Variants in KLF15 observed in about 807,000 individuals in gnomAD.
KLF15 encodes Krueppel-like factor 15.
In KLF15, 4 loss-of-function variants were observed where a neutral mutation model predicts 24.6. The observed-to-expected ratio is 0.16, with a 90% CI of 0.08 to 0.37. KLF15 has a LOEUF of 0.37. Among genes scored for constraint, KLF15 ranks in the 10% least tolerant of loss-of-function variants. The probability of loss-of-function intolerance (pLI) is 1.00; values close to 1 mark genes in which losing one functional copy is unlikely to be tolerated. For synonymous variants in KLF15, 246 were observed against 236.3 expected (o/e 1.04, Z -0.37); for missense variants, 496 against 560.6 (o/e 0.88, Z 1.16).
At chr3:126,323,249 G>C in the KLF15 span, among the ~76,000 whole-genome samples, 1 of 148,022 alleles carries the variant, frequency 6.8e-6, no homozygotes, top group Non-Finnish European at 1.5e-5. Context: ...CTCACCCCAT[G>C]GTTCTCTCTC....
chr3:126,322,606 C>T, the KLF15 span, among the ~76,000 whole-genome samples: 1 of 152,246 alleles, frequency 6.6e-6, no homozygotes, highest in Admixed American at 6.5e-5. Flanking sequence ...AAAGTAACAT[C>T]TTCCCAGGTT....
chr3:126,315,038 G>C, the KLF15 span, among the ~76,000 whole-genome samples: 4 of 152,076 alleles, frequency 2.6e-5, no homozygotes, highest in Admixed American at 2.0e-4. Context: ...GATAGCGTCT[G>C]TTCCAAGTCC....
rs145799178 is a variant in KLF15, at chr3:126,352,744, A to G, written c.179T>C (p.Leu60Pro). The change falls in exon 2 of 3, where the codon CTC becomes CCC. Residue 60 changes from leucine (L) to proline (P), a missense_variant. Physicochemically the swap from Leu to Pro is moderately conservative, Grantham distance 98. Coordinates refer to ENST00000296233, the MANE Select transcript of KLF15 (RefSeq NM_014079.4). Reference protein sequence around the residue: ...CSCSSPDSQALCSCYGGGLGT... With the variant: ...CSCSSPDSQAPCSCYGGGLGT... ...CAGGCCTCCACCATAGCAGGAGCAGAGGGCTTGAGAGTCGGGACTGGAACA... is the reference window on the plus strand; with the variant it reads ...CAGGCCTCCACCATAGCAGGAGCAGGGGGCTTGAGAGTCGGGACTGGAACA... The G allele has an allele frequency of 6.4e-7, 1 of 1,572,462 alleles. No homozygotes were observed. Among genetic ancestry groups the G allele is most frequent in the South Asian group, 1.2e-5 (1 of 86,552 alleles).
the KLF15 span, among the ~76,000 whole-genome samples, chr3:126,296,557 C>A: frequency 6.6e-6 from 1 of 152,216 alleles, no homozygotes; most frequent in Non-Finnish European, 1.5e-5. Flanking sequence ...AATTTAGATG[C>A]CTTGTCTTTT....
the KLF15 span, among the ~76,000 whole-genome samples, chr3:126,305,118 G>T: frequency 6.6e-6 from 1 of 152,132 alleles, no homozygotes; most frequent in African/African-American, 2.4e-5. Flanking sequence ...TGATGGCTGG[G>T]GCTTGAGCAA....
the KLF15 span, among the ~76,000 whole-genome samples, chr3:126,296,443 G>A: frequency 5.3e-5 from 8 of 152,308 alleles, no homozygotes; most frequent in Non-Finnish European, 7.3e-5. Context: ...TCCTGACCTC[G>A]TGATCCACCC....
chr3:126,291,638 C>T, the KLF15 span, among the ~76,000 whole-genome samples: 1 of 152,264 alleles, frequency 6.6e-6, no homozygotes, highest in Non-Finnish European at 1.5e-5. Context: ...GTGGCTGCGT[C>T]CCGGCCTTTG....
At chr3:126,328,221 G>C in the KLF15 span, among the ~76,000 whole-genome samples, 1 of 152,038 alleles carries the variant, frequency 6.6e-6, no homozygotes, top group South Asian at 2.1e-4. Context: ...TAGAATAATA[G>C]TCTCCAATCT....
chr3:126,330,092 C>T, the KLF15 span, among the ~76,000 whole-genome samples: 5 of 152,168 alleles, frequency 3.3e-5, no homozygotes, highest in South Asian at 2.1e-4. Context: ...GCAAGGTGGG[C>T]CTTGCTATCT....
the KLF15 span, among the ~76,000 whole-genome samples, chr3:126,297,206 C>T: frequency 7.2e-4 from 109 of 151,264 alleles, 1 homozygote; most frequent in Admixed American, 5.9e-4. Flanking sequence ...AAAGAGTCAC[C>T]TGTTTTTTTT....
the KLF15 span, among the ~76,000 whole-genome samples, chr3:126,316,616 G>A: frequency 4.0e-5 from 6 of 150,894 alleles, no homozygotes; most frequent in Non-Finnish European, 8.9e-5. Flanking sequence ...GGAGTGCACA[G>A]GCCAGAGTGG....
chr3:126,323,440 ATATATGT>A, the KLF15 span, among the ~76,000 whole-genome samples: 55 of 56,790 alleles, frequency 9.7e-4, 4 homozygotes, highest in African/African-American at 3.0e-3. Flanking sequence ...TATATAACAT[ATATATGT>A]TATATATATA....
At chr3:126,348,110 G>A (rs1361632972) in intron 2 of KLF15, among the ~76,000 whole-genome samples, 2 of 152,162 alleles carry the variant, frequency 1.3e-5, no homozygotes, top group Admixed American at 6.5e-5. Flanking sequence ...ACCCAACACC[G>A]GGGTGCAGAG....
the KLF15 span, among the ~76,000 whole-genome samples, chr3:126,314,275 C>G: frequency 1.3e-5 from 2 of 152,144 alleles, no homozygotes; most frequent in African/African-American, 4.8e-5. Flanking sequence ...CCCCCCTTGA[C>G]AGGAGAGTCA....
the KLF15 span, among the ~76,000 whole-genome samples, chr3:126,309,979 T>C: frequency 3.3e-5 from 5 of 152,228 alleles, no homozygotes; most frequent in Admixed American, 6.5e-5. Context: ...CACCAAAGAC[T>C]GGGCAGTTCA....
At chr3:126,318,640 T>C in the KLF15 span, among the ~76,000 whole-genome samples, 3 of 152,348 alleles carry the variant, frequency 2.0e-5, no homozygotes, top group South Asian at 6.2e-4. Flanking sequence ...GATTTCACCT[T>C]CTGAGCTGGT....
the KLF15 span, among the ~76,000 whole-genome samples, chr3:126,320,387 T>C: frequency 2.6e-5 from 4 of 152,242 alleles, no homozygotes; most frequent in Non-Finnish European, 4.4e-5. Context: ...AAGGCTGTCA[T>C]ATGCTTCTCA....
chr3:126,323,206 T>C, the KLF15 span, among the ~76,000 whole-genome samples: 10 of 150,518 alleles, frequency 6.6e-5, no homozygotes, highest in East Asian at 1.9e-4. Flanking sequence ...TTTCACACAA[T>C]TGGCTTTTTG....
chr3:126,342,312 G>A (rs186632844), downstream of KLF15, among the ~76,000 whole-genome samples: 205 of 152,300 alleles, frequency 1.3e-3, 1 homozygote, highest in Non-Finnish European at 3.5e-4. Flanking sequence ...AAGGGTCTCC[G>A]ATAGCAGAGT....
Sources: allele counts gnomAD v4.1 joint callset (sites outside exome capture counted in the v4.1 genomes callset), GRCh38; gene constraint gnomAD v4.1.1; transcripts MANE v1.5; gene names NCBI Gene and HGNC (gene_info 2026-07-23, HGNC 2026-07-21).